The following EVI5 variants were observed in gnomAD, a reference collection of about 807,000 sequenced individuals.
The protein encoded by EVI5 is ecotropic viral integration site 5 protein homolog.
In EVI5, 73 loss-of-function variants were observed where a neutral mutation model predicts 112.0. The observed-to-expected ratio is 0.65, with a 90% CI of 0.54 to 0.79. EVI5 has a LOEUF of 0.79. Among genes scored for constraint, EVI5 ranks in the 30% least tolerant of loss-of-function variants. EVI5 has a pLI of 0.00. For synonymous variants in EVI5, 305 were observed against 319.9 expected, an observed-to-expected ratio of 0.95 and a Z score of 0.50; for missense variants, 900 against 968.8, an observed-to-expected ratio of 0.93 and a Z score of 0.94.
intron 2 of EVI5, among the ~76,000 whole-genome samples, chr1:92,714,716 G>C (rs1673349525): frequency 6.6e-6 from 1 of 152,022 alleles, no homozygotes; most frequent in Admixed American, 6.6e-5. Flanking sequence ...CAGCCTCCTA[G>C]GTAGCTAGGA....
chr1:92,517,351 T>C (rs1233891109), intron 19 of EVI5, among the ~76,000 whole-genome samples: 2 of 152,226 alleles, frequency 1.3e-5, no homozygotes, highest in African/African-American at 4.8e-5. Context: ...TCATTTTATA[T>C]ACAGAACTTG....
intron 18 of EVI5, among the ~76,000 whole-genome samples, chr1:92,604,324 C>T (rs1649870124): frequency 1.3e-5 from 2 of 151,030 alleles, no homozygotes; most frequent in Non-Finnish European, 2.9e-5. Context: ...CACTAAACTC[C>T]GGTCTGGGCA....
At chr1:92,664,007 C>T (rs151270743) in intron 11 of EVI5, among the ~76,000 whole-genome samples, 29 of 152,298 alleles carry the variant, frequency 1.9e-4, no homozygotes, top group African/African-American at 6.5e-4. Context: ...CTCAGCCTCC[C>T]GAAGTGCGGG....
chr1:92,751,109 C>T (rs1217115981), intron 1 of EVI5, among the ~76,000 whole-genome samples: 2 of 152,096 alleles, frequency 1.3e-5, no homozygotes, highest in African/African-American at 4.8e-5. Context: ...AAGATCGCAC[C>T]ACTGCACTGT....
intron 19 of EVI5, among the ~76,000 whole-genome samples, chr1:92,528,237 G>A (rs1027795209): frequency 1.1e-4 from 17 of 152,168 alleles, no homozygotes; most frequent in African/African-American, 3.6e-4. Context: ...CACATTGCTG[G>A]TGGGAGTGTA....
intron 19 of EVI5, among the ~76,000 whole-genome samples, chr1:92,540,000 C>T (rs1162982752): frequency 6.6e-6 from 1 of 152,058 alleles, no homozygotes; most frequent in Non-Finnish European, 1.5e-5. Context: ...ATTTATCATC[C>T]ATGTTGTGGC....
chr1:92,788,501 C>A (rs28500622), upstream of EVI5, among the ~76,000 whole-genome samples: 222 of 144,576 alleles, frequency 1.5e-3, 1 homozygote, highest in African/African-American at 3.5e-3. Context: ...CAAAACAAAA[C>A]AAAAAAAAAA....
chr1:92,615,680 G>A (rs1047250006), intron 16 of EVI5, among the ~76,000 whole-genome samples: 1 of 152,052 alleles, frequency 6.6e-6, no homozygotes, highest in Non-Finnish European at 1.5e-5. Flanking sequence ...CGCTGCTTGA[G>A]GCAACATTGA....
intron 19 of EVI5, among the ~76,000 whole-genome samples, chr1:92,530,400 A>G (rs1366879734): frequency 6.6e-6 from 1 of 152,122 alleles, no homozygotes; most frequent in South Asian, 2.1e-4. Flanking sequence ...AGCTCTGAAG[A>G]GAGCAGCGGA....
chr1:92,721,254 A>G (rs1424076013), intron 2 of EVI5, among the ~76,000 whole-genome samples: 1 of 152,242 alleles, frequency 6.6e-6, no homozygotes, highest in Non-Finnish European at 1.5e-5. Context: ...ACTATTCACA[A>G]TAGCAAAAAC....
chr1:92,763,957 G>A (rs1682253489), intron 1 of EVI5, among the ~76,000 whole-genome samples: 1 of 152,118 alleles, frequency 6.6e-6, no homozygotes, highest in Non-Finnish European at 1.5e-5. Flanking sequence ...TGTATCAGAG[G>A]CAAATGGAAG....
intron 2 of EVI5, among the ~76,000 whole-genome samples, chr1:92,726,651 T>A (rs1191508834): frequency 6.6e-6 from 1 of 152,156 alleles, no homozygotes. Flanking sequence ...ACTAAATAGG[T>A]AAACACATAA....
chr1:92,749,993 A>G (rs1570753508), intron 1 of EVI5, among the ~76,000 whole-genome samples: 1 of 152,356 alleles, frequency 6.6e-6, no homozygotes, highest in East Asian at 1.9e-4. Flanking sequence ...AAAACTCAAT[A>G]AATGACAGCT....
chr1:92,772,540 A>C (rs934391636), intron 1 of EVI5, among the ~76,000 whole-genome samples: 3 of 152,220 alleles, frequency 2.0e-5, no homozygotes, highest in South Asian at 4.1e-4. Context: ...CCTACAACTC[A>C]GTAATTCCAC....
At chr1:92,685,116 C>A (rs1668288307) in intron 9 of EVI5, among the ~76,000 whole-genome samples, 1 of 151,842 alleles carries the variant, frequency 6.6e-6, no homozygotes, top group Admixed American at 6.6e-5. Flanking sequence ...TTCTCAGCAC[C>A]ACATGGCACT....
chr1:92,654,909 T>C (rs1662749708), intron 13 of EVI5, among the ~76,000 whole-genome samples: 1 of 152,040 alleles, frequency 6.6e-6, no homozygotes, highest in Non-Finnish European at 1.5e-5. Flanking sequence ...ATTGAATTAG[T>C]CCAGTCAGAC....
At chr1:92,595,061 C>G (rs2101399867) in intron 18 of EVI5, among the ~76,000 whole-genome samples, 1 of 151,990 alleles carries the variant, frequency 6.6e-6, no homozygotes, top group East Asian at 1.9e-4. Context: ...CATCCCATCA[C>G]TGGGTATATA....
intron 18 of EVI5, among the ~76,000 whole-genome samples, chr1:92,583,426 G>A (rs1225631681): frequency 9.6e-5 from 14 of 145,824 alleles, no homozygotes; most frequent in African/African-American, 3.3e-4. Context: ...CAGGAGAATC[G>A]CTTGAACCTG....
rs575822669 is a variant in EVI5 at position 92,630,110 on chromosome 1, T to C, written c.1528-4176A>G. Among the ~76,000 whole-genome samples the C allele has an allele frequency of 7.4e-4, 113 of 152,338 alleles. 1 individual carries two copies. Among genetic ancestry groups the C allele is most frequent in the African/African-American group, 2.2e-3 (91 of 41,578 alleles). The stretch of plus-strand genomic sequence containing the variant: ...GGTTCCAAGTCTTTGCTATTGTGAA[T>C]AGTGCCACAAGAAACATACGTGTGC... On this transcript the variant is annotated intron_variant, in intron 14 of 19. Coordinates refer to ENST00000684568, the MANE Select transcript of EVI5 (RefSeq NM_001350197.2).
Sources: gnomAD v4.1 joint callset for allele counts (sites outside exome capture counted in the v4.1 genomes callset) on GRCh38, gnomAD v4.1.1 for gene constraint, MANE v1.5 for transcripts, NCBI Gene and HGNC (gene_info 2026-07-23, HGNC 2026-07-21) for gene names.